Variants in BABAM2 observed in about 807,000 individuals in gnomAD.
BABAM2 encodes the protein BRISC and BRCA1-A complex member 2.
Under a neutral mutation model 54.7 loss-of-function variants are expected in BABAM2, and 31 were observed. The observed-to-expected ratio is 0.57, with a 90% CI of 0.43 to 0.77. The LOEUF is 0.77. Ranked by LOEUF, BABAM2 falls within the 30% of genes least tolerant of loss-of-function variation. The pLI is 0.00. For missense variants in BABAM2, 364 were observed against 455.8 expected (o/e 0.80, Z 1.83); for synonymous variants, 167 against 162.9 (o/e 1.03, Z -0.19).
chr2:28,312,509 A>C (rs1689169543), intron 11 of BABAM2, among the ~76,000 whole-genome samples: 2 of 152,224 alleles, frequency 1.3e-5, no homozygotes, highest in African/African-American at 4.8e-5. Flanking sequence ...CAATGAGGCT[A>C]TCTATGGCAT....
chr2:28,076,871 C>G (rs955754605), intron 6 of BABAM2, among the ~76,000 whole-genome samples: 1 of 152,134 alleles, frequency 6.6e-6, no homozygotes, highest in Non-Finnish European at 1.5e-5. Flanking sequence ...AAAGATATTT[C>G]TGTACCATGC....
chr2:28,127,491 T>C (rs1160440352), intron 6 of BABAM2, among the ~76,000 whole-genome samples: 1 of 148,424 alleles, frequency 6.7e-6, no homozygotes, highest in Non-Finnish European at 1.5e-5. Flanking sequence ...TTCCAAGCAG[T>C]CTGTGAAGGG....
chr2:28,159,825 G>A (rs1400927630), intron 7 of BABAM2, among the ~76,000 whole-genome samples: 3 of 151,168 alleles, frequency 2.0e-5, no homozygotes, highest in South Asian at 2.1e-4. Context: ...GTTGTGAGTC[G>A]AGATTGCACC....
rs148517917 is a variant in BABAM2, at chr2:28,302,146, A to C, written c.1088+3655A>C. Among the ~76,000 whole-genome samples the C allele has an allele frequency of 3.1e-3, 468 of 152,290 alleles. 4 individuals carry two copies. Among genetic ancestry groups the C allele is most frequent in the African/African-American group, 0.01 (430 of 41,562 alleles). ...TTTAGCTGTTATGGTGGCCGGGAGC[A>C]GTCATCACGTCTGTTCTCCCAGCAT... is the stretch of plus-strand genomic sequence containing the variant. On this transcript the variant is annotated intron_variant, in intron 11 of 11. Coordinates refer to ENST00000379624, the MANE Select transcript of BABAM2 (RefSeq NM_199191.3).
chr2:28,122,733 G>A (rs72814459), intron 6 of BABAM2, among the ~76,000 whole-genome samples: 5,174 of 152,208 alleles, frequency 0.034, 126 homozygotes, highest in South Asian at 0.12. Context: ...AAGGAGTAGA[G>A]CATAATGATA....
At chr2:27,896,739 T>C in intron 2 of BABAM2, 1 of 211,798 alleles carries the variant, frequency 4.7e-6, no homozygotes, top group Admixed American at 6.1e-5. Flanking sequence ...ACACCATATT[T>C]TCCTCTTCAC....
chr2:28,038,289 C>A (rs1314026204), intron 5 of BABAM2, among the ~76,000 whole-genome samples: 1 of 152,184 alleles, frequency 6.6e-6, no homozygotes, highest in East Asian at 1.9e-4. Context: ...AAGTAATGAG[C>A]CCCCAACCCT....
intron 4 of BABAM2, among the ~76,000 whole-genome samples, chr2:28,011,234 G>A (rs1674374795): frequency 6.6e-6 from 1 of 152,176 alleles, no homozygotes; most frequent in South Asian, 2.1e-4. Flanking sequence ...ATGGATCTGG[G>A]GATAAGAGGT....
intron 2 of BABAM2, among the ~76,000 whole-genome samples, chr2:27,898,281 T>A (rs1302873897): frequency 6.6e-6 from 1 of 152,202 alleles, no homozygotes; most frequent in African/African-American, 2.4e-5. Context: ...TTCTTTTCCT[T>A]CCCACCTCAG....
chr2:27,933,580 T>C (rs1424871036), intron 3 of BABAM2, among the ~76,000 whole-genome samples: 1 of 151,884 alleles, frequency 6.6e-6, no homozygotes, highest in Non-Finnish European at 1.5e-5. Context: ...GCAATTCTCC[T>C]GCCTCAGCCT....
At chr2:28,261,161 C>T (rs1684489451) in intron 10 of BABAM2, among the ~76,000 whole-genome samples, 2 of 151,696 alleles carry the variant, frequency 1.3e-5, no homozygotes, top group Non-Finnish European at 2.9e-5. Flanking sequence ...AGACTGGTCT[C>T]AAACTCCTGA....
intron 6 of BABAM2, among the ~76,000 whole-genome samples, chr2:28,055,731 T>G (rs1022469132): frequency 6.6e-6 from 1 of 152,206 alleles, no homozygotes; most frequent in Non-Finnish European, 1.5e-5. Context: ...CAGTAATGCC[T>G]CTTCTGGGCA....
At chr2:28,042,842 G>A (rs896492537) in intron 5 of BABAM2, among the ~76,000 whole-genome samples, 15 of 151,916 alleles carry the variant, frequency 9.9e-5, no homozygotes, top group Non-Finnish European at 2.1e-4. Flanking sequence ...GGCTAACATG[G>A]TGAAACCCCG....
At chr2:27,972,527 T>C (rs1164062235) in intron 3 of BABAM2, among the ~76,000 whole-genome samples, 1 of 152,192 alleles carries the variant, frequency 6.6e-6, no homozygotes, top group Non-Finnish European at 1.5e-5. Context: ...AGATCTGTGC[T>C]GTCCAATATA....
intron 7 of BABAM2, among the ~76,000 whole-genome samples, chr2:28,181,465 T>G (rs1244154641): frequency 6.6e-6 from 1 of 152,138 alleles, no homozygotes; most frequent in Admixed American, 6.5e-5. Flanking sequence ...TACAAACATA[T>G]AGTTAGAAGG....
At chr2:27,969,474 T>G (rs1671053232) in intron 3 of BABAM2, among the ~76,000 whole-genome samples, 1 of 152,180 alleles carries the variant, frequency 6.6e-6, no homozygotes, top group African/African-American at 2.4e-5. Flanking sequence ...ACTTCAGTAT[T>G]GTGCCAGGGA....
At chr2:28,179,199 A>G (rs1358451678) in intron 7 of BABAM2, among the ~76,000 whole-genome samples, 1 of 152,168 alleles carries the variant, frequency 6.6e-6, no homozygotes, top group Non-Finnish European at 1.5e-5. Context: ...AGGAAATGGC[A>G]GGCTAGTGAT....
chr2:28,077,594 A>G (rs962637442), intron 6 of BABAM2, among the ~76,000 whole-genome samples: 2 of 152,170 alleles, frequency 1.3e-5, no homozygotes, highest in Admixed American at 6.5e-5. Context: ...GGAGGGGACA[A>G]CTATCTTCTG....
chr2:28,217,557 G>C (rs968359403), intron 7 of BABAM2, among the ~76,000 whole-genome samples: 7 of 152,108 alleles, frequency 4.6e-5, no homozygotes, highest in African/African-American at 1.7e-4. Flanking sequence ...CTTGCCCCAG[G>C]GGCAGTATAC....
Sources: allele counts gnomAD v4.1 joint callset (sites outside exome capture counted in the v4.1 genomes callset), GRCh38; gene constraint gnomAD v4.1.1; transcripts MANE v1.5; gene names NCBI Gene and HGNC (gene_info 2026-07-23, HGNC 2026-07-21).